The following NFATC1 variants were observed in gnomAD, a reference collection of about 807,000 sequenced individuals.
NFATC1 encodes nuclear factor of activated T cells 1.
Under a neutral mutation model 76.0 loss-of-function variants are expected in NFATC1, and 22 were observed. That is an observed-to-expected ratio of 0.29 (90% CI 0.21 to 0.41). The LOEUF is 0.41. NFATC1 is among the 10% of genes least tolerant of loss of function. The probability of loss-of-function intolerance (pLI) is 1.00; values close to 1 mark genes in which losing one functional copy is unlikely to be tolerated. For synonymous variants in NFATC1, 704 were observed against 613.1 expected (o/e 1.15, Z -2.19); for missense variants, 1,357 against 1,337.7 (o/e 1.01, Z -0.23).
At chr18:79,478,409 G>C (rs2089159891) in intron 8 of NFATC1, among the ~76,000 whole-genome samples, 1 of 152,072 alleles carries the variant, frequency 6.6e-6, no homozygotes, top group South Asian at 2.1e-4. Context: ...GCCATTAAGA[G>C]CTGTGATGAG....
At chr18:79,400,552 G>A (rs1383435707) in intron 1 of NFATC1, 39 of 1,242,028 alleles carry the variant, frequency 3.1e-5, no homozygotes, top group Non-Finnish European at 3.8e-5. Context: ...CCCCCTCCGC[G>A]TCCTCGTCGC....
At chr18:79,400,324 G>T in intron 1 of NFATC1, 4 of 1,320,618 alleles carry the variant, frequency 3.0e-6, no homozygotes, top group Non-Finnish European at 3.9e-6. Flanking sequence ...CGCGCGGGCA[G>T]CGCCGGGAGA....
intron 1 of NFATC1, among the ~76,000 whole-genome samples, chr18:79,398,381 G>A (rs2085073384): frequency 6.6e-6 from 1 of 152,248 alleles, no homozygotes; most frequent in African/African-American, 2.4e-5. Context: ...ATCACACCCA[G>A]CGGGGCTTCT....
chr18:79,523,037 A>ACTCTCC (rs2145234233), intron 9 of NFATC1, among the ~76,000 whole-genome samples: 1 of 151,890 alleles, frequency 6.6e-6, no homozygotes, highest in Admixed American at 6.6e-5. Context: ...AGCCATTCCC[A>ACTCTCC]CTCTCCGAGC....
At chr18:79,527,397 G>A (rs990131492) in intron 9 of NFATC1, 131 bp from the exon 10 acceptor site, 52 of 728,058 alleles carry the variant, frequency 7.1e-5, no homozygotes, top group Admixed American at 2.3e-4. Context: ...GGACCGAGGA[G>A]GAAATGTGGG....
At chr18:79,408,278 C>T (rs900872270) in intron 1 of NFATC1, among the ~76,000 whole-genome samples, 1 of 152,142 alleles carries the variant, frequency 6.6e-6, no homozygotes, top group Non-Finnish European at 1.5e-5. Flanking sequence ...AGTGCAGTTG[C>T]ACCAGGAGAT....
intron 8 of NFATC1, among the ~76,000 whole-genome samples, chr18:79,472,424 C>T (rs1057005979): frequency 6.6e-6 from 1 of 152,230 alleles, no homozygotes; most frequent in Admixed American, 6.5e-5. Context: ...CTGCTCAGCC[C>T]GGCAGCCTCT....
chr18:79,492,232 C>G (rs2089699561), intron 9 of NFATC1, among the ~76,000 whole-genome samples: 1 of 152,138 alleles, frequency 6.6e-6, no homozygotes, highest in Admixed American at 6.5e-5. Context: ...CCGCAGGAAC[C>G]TAAAGGTCAC....
intron 1 of NFATC1, among the ~76,000 whole-genome samples, chr18:79,397,356 G>A (rs1279538029): frequency 6.6e-6 from 1 of 152,230 alleles, no homozygotes; most frequent in African/African-American, 2.4e-5. Context: ...CTTCATAAGG[G>A]CAGACGTCCT....
intron 1 of NFATC1, among the ~76,000 whole-genome samples, chr18:79,407,097 G>A (rs1464467284): frequency 6.6e-6 from 1 of 152,252 alleles, no homozygotes; most frequent in Non-Finnish European, 1.5e-5. Flanking sequence ...GGTATCACCA[G>A]CAGATCAGAG....
chr18:79,511,491 G>A (rs1309752857), intron 9 of NFATC1, among the ~76,000 whole-genome samples: 1 of 152,228 alleles, frequency 6.6e-6, no homozygotes, highest in Non-Finnish European at 1.5e-5. Context: ...AGCCAGGGGA[G>A]GGCGGCACAG....
intron 9 of NFATC1, among the ~76,000 whole-genome samples, chr18:79,492,640 C>G (rs1300957391): frequency 6.6e-6 from 1 of 150,586 alleles, no homozygotes; most frequent in Non-Finnish European, 1.5e-5. Flanking sequence ...ACCTGGGAGG[C>G]GGAGCTTGCA....
intron 1 of NFATC1, chr18:79,400,454 C>A: frequency 6.7e-7 from 1 of 1,489,650 alleles, no homozygotes; most frequent in South Asian, 1.3e-5. Flanking sequence ...ACCAGCGCGA[C>A]GAGGGCGCCG....
At chr18:79,498,800 G>A (rs2089954329) in intron 9 of NFATC1, among the ~76,000 whole-genome samples, 1 of 152,230 alleles carries the variant, frequency 6.6e-6, no homozygotes, top group African/African-American at 2.4e-5. Flanking sequence ...TACGTGGGAT[G>A]CTCAGCAGGA....
intron 1 of NFATC1, among the ~76,000 whole-genome samples, chr18:79,401,277 G>T (rs1234868844): frequency 6.6e-6 from 1 of 152,010 alleles, no homozygotes; most frequent in Non-Finnish European, 1.5e-5. Context: ...CGGAGGTGAA[G>T]CCGGAGGAGC....
intron 3 of NFATC1, among the ~76,000 whole-genome samples, chr18:79,439,295 C>T (rs1234228808): frequency 3.3e-5 from 5 of 152,294 alleles, no homozygotes; most frequent in African/African-American, 9.6e-5. Context: ...GCTCCGAGGC[C>T]CCACCAGGAG....
rs745542348 is a variant in NFATC1 at position 79,396,246 on chromosome 18, G to A, written c.22G>A (p.Val8Ile). Reference protein sequence around the residue: MPSTSFPVPSKFPLGPAA... With the variant: MPSTSFPIPSKFPLGPAA... ...GCGGATGCCAAGCACCAGCTTTCCA[G>A]TCCCTTCCAAGTTTCCACTTGGCCC... The change falls in exon 1 of 10, where the codon GTC becomes ATC. Residue 8 changes from valine to isoleucine, a missense_variant. By Grantham distance (29) the Val-to-Ile change is conservative. Around this residue, in one of 3 missense-constraint regions of NFATC1, gnomAD observed 691 missense variants for 613.1 expected, o/e 1.13. Coordinates refer to ENST00000427363, the MANE Select transcript of NFATC1 (RefSeq NM_001278669.2). The A allele has an allele frequency of 1.3e-5, 19 of 1,498,316 alleles. No homozygotes were observed. Among genetic ancestry groups the A allele is most frequent in the Admixed American group, 2.0e-5 (1 of 50,608 alleles). The allele number at this position is 1,498,316 out of a possible 1,614,324, so 92.8% of individuals were successfully genotyped here.
chr18:79,478,759 GC>G (rs1373874751), intron 8 of NFATC1, among the ~76,000 whole-genome samples: 4 of 152,204 alleles, frequency 2.6e-5, no homozygotes, highest in African/African-American at 4.8e-5. Context: ...TGGGGCGGAA[GC>G]CCCCCTCCAG....
intron 9 of NFATC1, chr18:79,527,202 G>A (rs1329186769): frequency 1.5e-5 from 4 of 270,366 alleles, no homozygotes; most frequent in East Asian, 1.6e-4. Context: ...GGACCTGTGG[G>A]TCGCTTGGTT....
Sources: allele counts gnomAD v4.1 joint callset (sites outside exome capture counted in the v4.1 genomes callset), GRCh38; gene constraint gnomAD v4.1.1; regional missense constraint gnomAD v4.1.1; transcripts MANE v1.5; gene names NCBI Gene and HGNC (gene_info 2026-07-23, HGNC 2026-07-21).